TRPM3: variants seen among roughly 807,000 people sequenced by gnomAD.
TRPM3 encodes long transient receptor potential channel 3.
Under a neutral mutation model 181.2 loss-of-function variants are expected in TRPM3, and 77 were observed. The observed-to-expected ratio is 0.42, with a 90% CI of 0.35 to 0.51. The LOEUF (loss-of-function observed/expected upper bound fraction) is 0.51. Ranked by LOEUF, TRPM3 falls within the 20% of genes least tolerant of loss-of-function variation. The pLI, the probability that TRPM3 is intolerant of heterozygous loss-of-function variation, is 0.01. For missense variants in TRPM3, 1,759 were observed against 2,196.7 expected (o/e 0.80, Z 3.98); for synonymous variants, 745 against 796.4 (o/e 0.94, Z 1.09).
chr9:70,620,497 A>G, intron 15 of TRPM3, 132 bp from the exon 16 acceptor site: 1 of 994,020 alleles, frequency 1.0e-6, no homozygotes, highest in Non-Finnish European at 1.5e-6. Context: ...CTCCTGTCCT[A>G]AAAGAACTCA....
rs2063435449 is a variant in TRPM3 at position 70,620,277 on chromosome 9, TG to T, written c.1927del (p.His643ThrfsTer16). The T allele has an allele frequency of 1.2e-6, 2 of 1,614,224 alleles. No individual in the cohort carries two copies. Among genetic ancestry groups the T allele is most frequent in the Non-Finnish European group, 1.7e-6 (2 of 1,180,034 alleles). ...DIDLDDPEIN[H>X]FPFPFHELMV... ...GAGCTCATGGAAAGGGAAGGGGAAG[TG>T]GTTGATCTCAGGATCATCCAAGTCA... is the stretch of plus-strand genomic sequence containing the variant. On this transcript the variant is annotated frameshift_variant, in exon 16 of 26. Coordinates refer to ENST00000677713, the MANE Select transcript of TRPM3 (RefSeq NM_001366145.2). LOFTEE classifies it high-confidence loss of function.
intron 1 of TRPM3, among the ~76,000 whole-genome samples, chr9:70,981,256 G>T (rs79103969): frequency 4.6e-5 from 7 of 152,138 alleles, no homozygotes; most frequent in Non-Finnish European, 1.0e-4. Flanking sequence ...GTTTTATAGC[G>T]TAGAAGAGCT....
chr9:71,306,992 T>C (rs1193171940), intron 1 of TRPM3, among the ~76,000 whole-genome samples: 1 of 152,240 alleles, frequency 6.6e-6, no homozygotes, highest in Non-Finnish European at 1.5e-5. Context: ...ACTTAACACT[T>C]CATAGATTAC....
chr9:70,806,225 G>T (rs537446837), intron 6 of TRPM3, among the ~76,000 whole-genome samples: 1 of 152,182 alleles, frequency 6.6e-6, no homozygotes, highest in Admixed American at 6.5e-5. Flanking sequence ...CTCCAACACA[G>T]AAGGAGAACA....
chr9:71,299,604 T>C (rs147549751), intron 1 of TRPM3, among the ~76,000 whole-genome samples: 21 of 152,172 alleles, frequency 1.4e-4, no homozygotes, highest in African/African-American at 4.3e-4. Flanking sequence ...ATGGAAACTA[T>C]TCTAATTTGT....
chr9:71,331,788 AGAG>A (rs1237571605), intron 1 of TRPM3, among the ~76,000 whole-genome samples: 1 of 48,802 alleles, frequency 2.0e-5, no homozygotes. Context: ...AGGAGGAAGA[AGAG>A]GAGAGGGAGG....
chr9:70,647,401 A>G (rs2059031056), intron 9 of TRPM3, among the ~76,000 whole-genome samples: 1 of 152,230 alleles, frequency 6.6e-6, no homozygotes, highest in South Asian at 2.1e-4. Flanking sequence ...AAAAATAAAT[A>G]AATGTGATTC....
chr9:70,952,000 T>A (rs2097007285), intron 1 of TRPM3, among the ~76,000 whole-genome samples: 1 of 152,198 alleles, frequency 6.6e-6, no homozygotes, highest in Non-Finnish European at 1.5e-5. Flanking sequence ...AGATGCTCCC[T>A]GGGATTTATA....
intron 22 of TRPM3, among the ~76,000 whole-genome samples, chr9:70,562,905 G>A (rs2049499193): frequency 6.6e-6 from 1 of 152,052 alleles, no homozygotes; most frequent in Non-Finnish European, 1.5e-5. Flanking sequence ...GAGATCGATT[G>A]CATTAACAGC....
chr9:71,103,783 G>A (rs866318286), intron 1 of TRPM3, among the ~76,000 whole-genome samples: 10 of 152,116 alleles, frequency 6.6e-5, no homozygotes, highest in African/African-American at 2.4e-4. Flanking sequence ...GCACGTACCT[G>A]GAACATTTTT....
At chr9:71,081,085 AC>A (rs1322406465) in intron 1 of TRPM3, among the ~76,000 whole-genome samples, 1 of 151,222 alleles carries the variant, frequency 6.6e-6, no homozygotes, top group Admixed American at 6.6e-5. Context: ...CAAGTCCAAG[AC>A]CCCCCTCTCC....
At chr9:70,688,040 T>G (rs1036381896) in intron 8 of TRPM3, among the ~76,000 whole-genome samples, 1 of 152,206 alleles carries the variant, frequency 6.6e-6, no homozygotes, top group Non-Finnish European at 1.5e-5. Flanking sequence ...TCTCTTTCTC[T>G]GTCCTCATTG....
At chr9:71,094,873 G>A (rs973677325) in intron 1 of TRPM3, among the ~76,000 whole-genome samples, 3 of 152,008 alleles carry the variant, frequency 2.0e-5, no homozygotes, top group Non-Finnish European at 4.4e-5. Flanking sequence ...ACACACACTC[G>A]ACTCGGCAAT....
intron 1 of TRPM3, among the ~76,000 whole-genome samples, chr9:71,161,627 A>C (rs1282418082): frequency 6.6e-6 from 1 of 152,158 alleles, no homozygotes; most frequent in Non-Finnish European, 1.5e-5. Context: ...TGCAGATTCA[A>C]GATATAATTA....
chr9:71,141,989 G>A (rs10124385), intron 1 of TRPM3, among the ~76,000 whole-genome samples: 143,850 of 152,232 alleles, frequency 0.94, 68,192 homozygotes, highest in East Asian at 1. Flanking sequence ...CCAAAACACC[G>A]GTATATAATG....
intron 1 of TRPM3, among the ~76,000 whole-genome samples, chr9:71,410,519 A>G (rs1029815854): frequency 6.6e-6 from 1 of 152,220 alleles, no homozygotes; most frequent in African/African-American, 2.4e-5. Context: ...AGAAATGGAT[A>G]AATTCCTGGA....
chr9:71,313,383 A>G (rs17533846), intron 1 of TRPM3, among the ~76,000 whole-genome samples: 19,573 of 152,166 alleles, frequency 0.13, 1,418 homozygotes, highest in Middle Eastern at 0.32. Context: ...AAATTTCTAG[A>G]TGACCTGTCT....
In TRPM3 at chr9:70,529,907, A is replaced by T. The variant is rs1406334484; in HGVS notation, c.*6046T>A. 2 of 152,168 alleles carry T rather than the reference A, an allele frequency of 1.3e-5. No homozygotes were observed. The highest frequency in any genetic ancestry group is 2.4e-5 in the African/African-American group (1 of 41,428). The allele number at this position is 152,168 out of a possible 1,614,324, so 9.4% of individuals were successfully genotyped here. A position where few individuals can be genotyped will look rare whatever the true frequency, so the allele number is the denominator to read the frequency against. On this transcript the variant is annotated 3_prime_UTR_variant, in exon 26 of 26. Transcript: ENST00000677713. ...CTGTCATGCCTTACTTACAAACCCTACTTCTGTTGACTTTCACCAGTCCAG... is the reference window on the plus strand; with the variant it reads ...CTGTCATGCCTTACTTACAAACCCTTCTTCTGTTGACTTTCACCAGTCCAG...
In TRPM3 at chr9:70,860,261, C is replaced by G. The variant is rs186807057; in HGVS notation, c.462+2647G>C. On this transcript the variant is annotated intron_variant, in intron 3 of 25. Coordinates refer to ENST00000677713, the MANE Select transcript of TRPM3 (RefSeq NM_001366145.2). ...GCTAAGTTAAATGGTTTAATCAAGA[C>G]TTTCTAGTTAAACAGTGAGAGAGTG... Among the ~76,000 whole-genome samples the G allele has an allele frequency of 1.2e-3, 178 of 152,254 alleles. 1 individual carries two copies. The highest frequency in any genetic ancestry group is 3.8e-3 in the African/African-American group (159 of 41,560).
Sources: gnomAD v4.1 joint callset for allele counts (sites outside exome capture counted in the v4.1 genomes callset) on GRCh38, gnomAD v4.1.1 for gene constraint, MANE v1.5 for transcripts, NCBI Gene and HGNC (gene_info 2026-07-23, HGNC 2026-07-21) for gene names.